The following ARB2A variants were observed in gnomAD, a reference collection of about 807,000 sequenced individuals.
ARB2A encodes ARB2 cotranscriptional regulator A.
the ARB2A span, among the ~76,000 whole-genome samples, chr5:93,984,196 A>G: frequency 6.6e-6 from 1 of 152,168 alleles, no homozygotes; most frequent in Non-Finnish European, 1.5e-5. Flanking sequence ...TGTTTCAGAA[A>G]AAGATTAAGT....
the ARB2A span, among the ~76,000 whole-genome samples, chr5:93,993,275 CAG>C: frequency 6.6e-6 from 1 of 151,974 alleles, no homozygotes; most frequent in Non-Finnish European, 1.5e-5. Context: ...ACCATTTGCC[CAG>C]AGAGACAGCT....
the ARB2A span, among the ~76,000 whole-genome samples, chr5:93,893,685 A>C: frequency 6.6e-6 from 1 of 152,230 alleles, no homozygotes; most frequent in Non-Finnish European, 1.5e-5. Flanking sequence ...TTATTAAAGA[A>C]ATATAACATT....
At chr5:94,021,055 A>G in the ARB2A span, among the ~76,000 whole-genome samples, 1 of 152,310 alleles carries the variant, frequency 6.6e-6, no homozygotes, top group Non-Finnish European at 1.5e-5. Context: ...TAAATAAAAT[A>G]AGATAAAACA....
chr5:93,860,251 C>A, the ARB2A span, among the ~76,000 whole-genome samples: 1 of 152,198 alleles, frequency 6.6e-6, no homozygotes, highest in African/African-American at 2.4e-5. Flanking sequence ...CAAGATCGTG[C>A]CACTGCACTC....
At chr5:93,904,823 G>A in the ARB2A span, among the ~76,000 whole-genome samples, 1 of 151,544 alleles carries the variant, frequency 6.6e-6, no homozygotes, top group Non-Finnish European at 1.5e-5. Flanking sequence ...CTAATCTCTG[G>A]ATATTAAGAG....
chr5:93,721,641 C>T, the ARB2A span, among the ~76,000 whole-genome samples: 53 of 152,170 alleles, frequency 3.5e-4, 1 homozygote, highest in African/African-American at 1.2e-3. Flanking sequence ...TGTTTCCCAA[C>T]GTTGAGGAAC....
the ARB2A span, among the ~76,000 whole-genome samples, chr5:93,637,463 C>T: frequency 6.9e-6 from 1 of 145,486 alleles, no homozygotes; most frequent in Non-Finnish European, 1.5e-5. Context: ...AACTCCATTG[C>T]TTCGTTTCTC....
At chr5:93,946,497 C>CGAT in the ARB2A span, among the ~76,000 whole-genome samples, 3 of 151,994 alleles carry the variant, frequency 2.0e-5, no homozygotes, top group Non-Finnish European at 1.5e-5. Context: ...AAATGAAAAG[C>CGAT]AATCATATTA....
At chr5:93,635,552 G>A in the ARB2A span, among the ~76,000 whole-genome samples, 2 of 147,736 alleles carry the variant, frequency 1.4e-5, no homozygotes, top group Admixed American at 6.9e-5. Context: ...ACCTCCTCCT[G>A]CCTCAGCCTC....
the ARB2A span, among the ~76,000 whole-genome samples, chr5:94,106,870 G>GAAA: frequency 0.019 from 1,014 of 54,484 alleles, 1 homozygote; most frequent in Non-Finnish European, 0.023. Context: ...AATCAATGCA[G>GAAA]AAAAAAAAAA....
chr5:93,629,042 T>C, the ARB2A span, among the ~76,000 whole-genome samples: 1 of 152,226 alleles, frequency 6.6e-6, no homozygotes, highest in Non-Finnish European at 1.5e-5. Context: ...CTTAATCATT[T>C]TGATCTTTAG....
At chr5:93,829,872 T>A in the ARB2A span, among the ~76,000 whole-genome samples, 2 of 152,180 alleles carry the variant, frequency 1.3e-5, no homozygotes, top group South Asian at 2.1e-4. Context: ...AATGAAGTTG[T>A]GACTAAGAAA....
the ARB2A span, among the ~76,000 whole-genome samples, chr5:93,655,897 G>T: frequency 1.3e-5 from 2 of 152,126 alleles, no homozygotes; most frequent in African/African-American, 4.8e-5. Context: ...TTAAATGTTT[G>T]TTGTAACACT....
chr5:94,010,393 T>C, the ARB2A span, among the ~76,000 whole-genome samples: 1 of 152,132 alleles, frequency 6.6e-6, no homozygotes, highest in African/African-American at 2.4e-5. Flanking sequence ...GCATATTGTA[T>C]ATAGTCAGAA....
At chr5:93,647,830 C>T in the ARB2A span, among the ~76,000 whole-genome samples, 16 of 152,110 alleles carry the variant, frequency 1.1e-4, no homozygotes, top group Non-Finnish European at 1.6e-4. Flanking sequence ...AGTGCAGGAT[C>T]GCATTTTGAA....
At chr5:93,889,926 A>G in the ARB2A span, among the ~76,000 whole-genome samples, 26 of 152,042 alleles carry the variant, frequency 1.7e-4, no homozygotes, top group Non-Finnish European at 3.1e-4. Context: ...AGTAATAGCA[A>G]ATAAGTTATA....
At chr5:93,780,447 CT>C in the ARB2A span, among the ~76,000 whole-genome samples, 1 of 152,150 alleles carries the variant, frequency 6.6e-6, no homozygotes, top group Non-Finnish European at 1.5e-5. Flanking sequence ...TATGCGTGGT[CT>C]TTTAGTTCAG....
chr5:93,999,439 C>A, the ARB2A span, among the ~76,000 whole-genome samples: 1 of 151,938 alleles, frequency 6.6e-6, no homozygotes, highest in Non-Finnish European at 1.5e-5. Flanking sequence ...AATAACAGAA[C>A]CCATATATCT....
chr5:93,958,794 TA>T, the ARB2A span: 22 of 1,540,078 alleles, frequency 1.4e-5, no homozygotes, highest in Admixed American at 4.0e-4. Context: ...GCTCTTTTAA[TA>T]AACGGTATCT....
Sources: gnomAD v4.1 joint callset for allele counts (sites outside exome capture counted in the v4.1 genomes callset) on GRCh38, gnomAD v4.1.1 for gene constraint, MANE v1.5 for transcripts, NCBI Gene and HGNC (gene_info 2026-07-23, HGNC 2026-07-21) for gene names.